Variants in TENM1 observed in about 807,000 individuals in gnomAD.
TENM1 encodes the protein teneurin-1.
In TENM1, 35 loss-of-function variants were observed where a neutral mutation model predicts 174.8. That is an observed-to-expected ratio of 0.20 (90% CI 0.15 to 0.27). TENM1 has a LOEUF of 0.27. Ranked by LOEUF, TENM1 falls within the 10% of genes least tolerant of loss-of-function variation. The probability of loss-of-function intolerance (pLI) is 1.00; values close to 1 mark genes in which losing one functional copy is unlikely to be tolerated. For synonymous variants in TENM1, 781 were observed against 798.7 expected (o/e 0.98, Z 0.37); for missense variants, 1,633 against 2,130.1 (o/e 0.77, Z 4.59).
the TENM1 span, among the ~76,000 whole-genome samples, chrX:125,092,538 AC>A: frequency 1.8e-5 from 2 of 111,934 alleles, no homozygotes; most frequent in African/African-American, 6.5e-5. Flanking sequence ...GTAAAATGCA[AC>A]AGTAGATGTG....
intron 1 of TENM1, among the ~76,000 whole-genome samples, chrX:124,916,123 C>A (rs1248209300): frequency 9.1e-6 from 1 of 110,191 alleles, no homozygotes. Context: ...GCAATCTCAC[C>A]TCTTTGAAAA....
intron 3 of TENM1, among the ~76,000 whole-genome samples, chrX:124,815,752 A>G (rs2055881802): frequency 9.0e-6 from 1 of 111,565 alleles, no homozygotes; most frequent in Admixed American, 9.6e-5. Context: ...GATTTAAAAC[A>G]TTGCGAATGG....
the TENM1 span, among the ~76,000 whole-genome samples, chrX:125,027,619 T>C: frequency 7.0e-3 from 649 of 93,221 alleles, 7 homozygotes; most frequent in African/African-American, 0.029. Flanking sequence ...TTCTTTTTTT[T>C]TTTTTTTTTT....
chrX:124,717,005 CTT>C (rs1360927917), intron 4 of TENM1, among the ~76,000 whole-genome samples: 1 of 110,874 alleles, frequency 9.0e-6, no homozygotes, highest in Non-Finnish European at 1.9e-5. Context: ...GCAAATTTTC[CTT>C]TCTTTCCGTC....
chrX:124,491,082 G>A (rs906583605), intron 20 of TENM1, among the ~76,000 whole-genome samples: 3 of 112,120 alleles, frequency 2.7e-5, no homozygotes, highest in Non-Finnish European at 3.8e-5. Context: ...GGTAAAAGAG[G>A]GAAGTGACTT....
intron 5 of TENM1, among the ~76,000 whole-genome samples, chrX:124,683,987 T>C (rs1388738954): frequency 8.9e-6 from 1 of 112,366 alleles, no homozygotes; most frequent in Admixed American, 9.5e-5. Context: ...AATGTTAAAA[T>C]ATGCAGTTTA....
intron 3 of TENM1, among the ~76,000 whole-genome samples, chrX:124,824,012 C>T (rs1186615562): frequency 2.7e-5 from 3 of 111,918 alleles, no homozygotes; most frequent in Non-Finnish European, 3.8e-5. Flanking sequence ...CTGCATAATG[C>T]TGTATGGTAT....
At chrX:125,070,894 T>C in the TENM1 span, among the ~76,000 whole-genome samples, 1 of 111,843 alleles carries the variant, frequency 8.9e-6, no homozygotes, top group Non-Finnish European at 1.9e-5. Context: ...CATGAACAGA[T>C]GTATAAGAGA....
At chrX:124,893,477 A>G (rs1306132549) in intron 3 of TENM1, among the ~76,000 whole-genome samples, 1 of 112,540 alleles carries the variant, frequency 8.9e-6, no homozygotes, top group Non-Finnish European at 1.9e-5. Context: ...TGCTAATCCA[A>G]TAATAACAGT....
the TENM1 span, among the ~76,000 whole-genome samples, chrX:125,165,802 A>T: frequency 3.6e-5 from 4 of 111,681 alleles, no homozygotes; most frequent in African/African-American, 1.3e-4. Flanking sequence ...CACATTTTCA[A>T]GCCATCATGG....
At chrX:124,472,636 T>C (rs999073166) in intron 22 of TENM1, among the ~76,000 whole-genome samples, 1 of 111,300 alleles carries the variant, frequency 9.0e-6, no homozygotes, top group Non-Finnish European at 1.9e-5. Context: ...GTTTGCTGCA[T>C]GTTGTTTGAA....
At position 124,576,530 on chromosome X, in the gene TENM1, T is replaced by C. The variant is rs1188090664; in HGVS notation, c.2078-10970A>G. ...GACCACCTAAAAGGGCAAGCTTAAC[T>C]GCCTCACAGAGGCATGAAATGCATG... is the stretch of plus-strand genomic sequence containing the variant. On this transcript the variant is annotated intron_variant, in intron 11 of 31. Coordinates refer to ENST00000422452, the Ensembl canonical transcript of TENM1. Among the ~76,000 whole-genome samples the C allele has an allele frequency of 3.6e-5, 4 of 112,235 alleles. No individual in the cohort carries two copies. In the East Asian group the frequency reaches 1.1e-3, roughly 31 times the overall value.
At chrX:124,583,615 A>G (rs2049395681) in intron 11 of TENM1, among the ~76,000 whole-genome samples, 1 of 111,743 alleles carries the variant, frequency 8.9e-6, no homozygotes, top group African/African-American at 3.3e-5. Context: ...TGGAAACTCT[A>G]AAAAGCAGAG....
chrX:124,977,033 T>G, the TENM1 span, among the ~76,000 whole-genome samples: 1 of 111,602 alleles, frequency 9.0e-6, no homozygotes, highest in South Asian at 3.7e-4. Context: ...CCATAGAGAG[T>G]AGGGTTGGCA....
the TENM1 span, among the ~76,000 whole-genome samples, chrX:125,199,659 C>T: frequency 1.8e-5 from 2 of 111,505 alleles, no homozygotes; most frequent in Non-Finnish European, 3.8e-5. Flanking sequence ...CAAGATTATA[C>T]TTCCAGGCCT....
intron 3 of TENM1, among the ~76,000 whole-genome samples, chrX:124,818,791 T>C (rs943174379): frequency 9.0e-6 from 1 of 111,610 alleles, no homozygotes; most frequent in Non-Finnish European, 1.9e-5. Context: ...TATAACCCCA[T>C]AGTGAGATTT....
At chrX:124,929,294 T>C (rs1156315065) in intron 1 of TENM1, among the ~76,000 whole-genome samples, 1 of 112,037 alleles carries the variant, frequency 8.9e-6, no homozygotes, top group Non-Finnish European at 1.9e-5. Flanking sequence ...TTAGTTACTT[T>C]AAGTATGTCA....
At chrX:124,832,941 T>A (rs2147335924) in intron 3 of TENM1, among the ~76,000 whole-genome samples, 1 of 112,122 alleles carries the variant, frequency 8.9e-6, no homozygotes, top group Non-Finnish European at 1.9e-5. Flanking sequence ...TTATTATTAT[T>A]GGTCATTAGT....
At chrX:125,105,189 C>T in the TENM1 span, among the ~76,000 whole-genome samples, 1 of 111,637 alleles carries the variant, frequency 9.0e-6, no homozygotes, top group Admixed American at 9.5e-5. Context: ...AGAAAGGCAG[C>T]TTGATACACA....
Sources: allele counts gnomAD v4.1 joint callset (sites outside exome capture counted in the v4.1 genomes callset), GRCh38; gene constraint gnomAD v4.1.1; transcripts MANE v1.5; gene names NCBI Gene and HGNC (gene_info 2026-07-23, HGNC 2026-07-21).